The following SATB2 variants were observed in gnomAD, a reference collection of about 807,000 sequenced individuals.
SATB2 encodes DNA-binding protein SATB2.
SATB2 carries 1 observed loss-of-function variant against 73.4 expected under a neutral mutation model. The observed-to-expected ratio is 0.01, with a 90% confidence interval of 0.00 to 0.06. SATB2 has a LOEUF of 0.06. Ranked by LOEUF, SATB2 falls within the 10% of genes least tolerant of loss-of-function variation. The pLI, the probability that SATB2 is intolerant of heterozygous loss-of-function variation, is 1.00. For synonymous variants in SATB2, 397 were observed against 367.0 expected, an observed-to-expected ratio of 1.08 and a Z score of -0.93; for missense variants, 459 against 945.8, an observed-to-expected ratio of 0.49 and a Z score of 6.75.
At chr2:199,374,343 A>G (rs1267210275) in intron 5 of SATB2, among the ~76,000 whole-genome samples, 2 of 152,242 alleles carry the variant, frequency 1.3e-5, no homozygotes, top group Non-Finnish European at 2.9e-5. Context: ...TACATAAGGT[A>G]GGTAGAATAG....
chr2:199,330,283 T>A (rs947750850), intron 7 of SATB2, among the ~76,000 whole-genome samples: 4 of 152,318 alleles, frequency 2.6e-5, no homozygotes, highest in Non-Finnish European at 5.9e-5. Context: ...AGGAACTGTA[T>A]CACATAGCAC....
intron 6 of SATB2, among the ~76,000 whole-genome samples, chr2:199,362,218 T>C (rs1689158529): frequency 6.6e-6 from 1 of 152,196 alleles, no homozygotes; most frequent in Non-Finnish European, 1.5e-5. Context: ...TTTCTAAACA[T>C]GCAATGCTCT....
intron 3 of SATB2, among the ~76,000 whole-genome samples, chr2:199,387,366 A>C (rs1372100054): frequency 6.6e-6 from 1 of 152,200 alleles, no homozygotes; most frequent in Non-Finnish European, 1.5e-5. Context: ...CTGGACATTT[A>C]ATGTTAAACC....
chr2:199,401,414 G>A (rs946086335), intron 3 of SATB2, among the ~76,000 whole-genome samples: 7 of 151,814 alleles, frequency 4.6e-5, no homozygotes, highest in African/African-American at 1.2e-4. Context: ...TTAGCCAGGC[G>A]TGGTGGTGCG....
intron 7 of SATB2, among the ~76,000 whole-genome samples, chr2:199,340,898 T>C (rs1688486839): frequency 6.6e-6 from 1 of 152,180 alleles, no homozygotes; most frequent in African/African-American, 2.4e-5. Context: ...GGAGAAACAA[T>C]GTTAGTAAAA....
At chr2:199,415,544 C>T (rs773878285) in intron 3 of SATB2, among the ~76,000 whole-genome samples, 7 of 152,190 alleles carry the variant, frequency 4.6e-5, no homozygotes, top group Non-Finnish European at 8.8e-5. Flanking sequence ...ACTGAGTTTA[C>T]ATTAAGATAA....
At chr2:199,293,788 A>G (rs964256120) in intron 10 of SATB2, among the ~76,000 whole-genome samples, 1 of 152,110 alleles carries the variant, frequency 6.6e-6, no homozygotes, top group African/African-American at 2.4e-5. Flanking sequence ...GCCATGATTT[A>G]CCACATCCTT....
intron 6 of SATB2, among the ~76,000 whole-genome samples, chr2:199,365,644 A>T (rs1406906583): frequency 6.6e-6 from 1 of 152,194 alleles, no homozygotes; most frequent in Admixed American, 6.5e-5. Flanking sequence ...AATTCAAAAA[A>T]TGCACATTAA....
chr2:199,363,946 A>G (rs1300525019), intron 6 of SATB2, among the ~76,000 whole-genome samples: 2 of 152,214 alleles, frequency 1.3e-5, no homozygotes, highest in East Asian at 3.8e-4. Flanking sequence ...TTCTCTCATG[A>G]CAGAAAAATT....
intron 6 of SATB2, among the ~76,000 whole-genome samples, chr2:199,366,923 A>AC (rs1689303059): frequency 8.8e-6 from 1 of 114,110 alleles, no homozygotes; most frequent in Non-Finnish European, 2.1e-5. Flanking sequence ...CACACACACA[A>AC]ACACACACAC....
Position 199,272,812 on chromosome 2 carries a change from C to T in SATB2, c.1741-140G>A. 4 of 792,458 alleles carry T rather than the reference C, an allele frequency of 5.0e-6. No homozygotes were observed. Among genetic ancestry groups the T allele is most frequent in the Non-Finnish European group, 8.4e-6 (4 of 476,002 alleles). 49.1% of individuals were successfully genotyped at this position (792,458 alleles called of 1,614,324 possible). On this transcript the variant is annotated intron_variant, in intron 10 of 10. Transcript: ENST00000417098. The surrounding 1 kb of genome is among the most constrained non-coding windows in gnomAD (Gnocchi z 6.7). ...TTTGTAAAGTCAGGTCTTTGGAAAG[C>T]TTAAAAGCATTTCTGGACATTTAGT...
intron 3 of SATB2, among the ~76,000 whole-genome samples, chr2:199,388,877 C>T (rs969671656): frequency 6.6e-6 from 1 of 152,070 alleles, no homozygotes; most frequent in African/African-American, 2.4e-5. Flanking sequence ...GAACTCATGA[C>T]ATTGATTGCA....
chr2:199,319,816 G>A (rs1035438580), intron 9 of SATB2, among the ~76,000 whole-genome samples: 1 of 151,678 alleles, frequency 6.6e-6, no homozygotes, highest in Non-Finnish European at 1.5e-5. Flanking sequence ...CTAACCTATC[G>A]TAGCCCATAA....
chr2:199,390,984 C>T (rs1410803030), intron 3 of SATB2, among the ~76,000 whole-genome samples: 1 of 152,120 alleles, frequency 6.6e-6, no homozygotes, highest in Non-Finnish European at 1.5e-5. Context: ...AATATGAAGG[C>T]AAACGTATAT....
rs367735434 is a variant in SATB2 at position 199,424,007 on chromosome 2, T to A, written c.346+9331A>T. The stretch of plus-strand genomic sequence containing the variant: ...TTTGCATATAGCCCACAGCGATCTT[T>A]TCCAACTTGAGTAACAAGCTTGTAA... On this transcript the variant is annotated intron_variant, in intron 3 of 10. Transcript: ENST00000417098. The A allele has an allele frequency of 3.3e-5, 5 of 152,316 alleles. No individual in the cohort carries two copies. In the East Asian group the frequency reaches 5.8e-4, roughly 18 times the overall value. The allele number at this position is 152,316 out of a possible 1,614,324, so 9.4% of individuals were successfully genotyped here. A position where few individuals can be genotyped will look rare whatever the true frequency, so the allele number is the denominator to read the frequency against.
At position 199,328,851 on chromosome 2, in the gene SATB2, A is replaced by G; in HGVS notation, c.1233T>C (p.Leu411=). The change falls in exon 8 of 11, where the codon CTT becomes CTC. Residue 411 remains leucine, a synonymous_variant. Transcript: ENST00000417098. ...EEDPRTASQS[L]LVNLRAMQNF... ...TCTGCATGGCCCTCAGGTTTACTAG[A>G]AGAGACTGAGAGGCTGTCCGAGGGT... The G allele has an allele frequency of 6.2e-7, 1 of 1,613,922 alleles. No individual in the cohort carries two copies. The highest frequency in any genetic ancestry group is 2.2e-5 in the East Asian group (1 of 44,854).
intron 3 of SATB2, among the ~76,000 whole-genome samples, chr2:199,408,714 T>C (rs1215463162): frequency 1.3e-5 from 2 of 150,966 alleles, no homozygotes; most frequent in African/African-American, 2.4e-5. Flanking sequence ...AGGGAGGGCA[T>C]GATCTTAGTT....
At chr2:199,408,792 C>T (rs1462330875) in intron 3 of SATB2, among the ~76,000 whole-genome samples, 1 of 151,920 alleles carries the variant, frequency 6.6e-6, no homozygotes, top group Non-Finnish European at 1.5e-5. Context: ...CTTTATAATC[C>T]CTAGAAATAG....
At chr2:199,360,527 T>C (rs1689108462) in intron 6 of SATB2, among the ~76,000 whole-genome samples, 1 of 152,102 alleles carries the variant, frequency 6.6e-6, no homozygotes, top group Non-Finnish European at 1.5e-5. Flanking sequence ...ATCCTCACCG[T>C]CCACTCCATC....
Sources: gnomAD v4.1 joint callset for allele counts (sites outside exome capture counted in the v4.1 genomes callset) on GRCh38, gnomAD v4.1.1 for gene constraint, Gnocchi (gnomAD v3.1) non-coding constraint, MANE v1.5 for transcripts, NCBI Gene and HGNC (gene_info 2026-07-23, HGNC 2026-07-21) for gene names.